ZHX3: variants seen among roughly 807,000 people sequenced by gnomAD.
ZHX3 encodes the protein zinc fingers and homeoboxes 3, also known as zinc fingers and homeoboxes protein 3.
Under a neutral mutation model 64.5 loss-of-function variants are expected in ZHX3, and 20 were observed. The ratio of observed to expected loss-of-function variants is 0.31; its 90% CI spans 0.22 to 0.45. ZHX3 has a LOEUF of 0.45. Among genes scored for constraint, ZHX3 ranks in the 20% least tolerant of loss-of-function variants. The pLI is 1.00. For missense variants in ZHX3, 1,041 were observed against 1,195.8 expected, an observed-to-expected ratio of 0.87 and a Z score of 1.91; for synonymous variants, 423 against 461.6, an observed-to-expected ratio of 0.92 and a Z score of 1.07.
chr20:41,180,013 C>T lies in ZHX3; in HGVS notation c.*5178G>A, dbSNP rs1388001669. ...AACCAAGAAAAACTATTCATTAACACATACAGGTGCTCATGTGTGTGTGTG... is the reference window on the plus strand; with the variant it reads ...AACCAAGAAAAACTATTCATTAACATATACAGGTGCTCATGTGTGTGTGTG... On this transcript the variant is annotated 3_prime_UTR_variant, in exon 4 of 4. Coordinates refer to ENST00000683867, the MANE Select transcript of ZHX3 (RefSeq NM_001384317.1). 1.3e-5 allele frequency: 2 copies of T among 152,688 alleles called. No individual in the cohort carries two copies. The highest frequency in any genetic ancestry group is 4.8e-5 in the African/African-American group (2 of 41,466). 9.5% of individuals were successfully genotyped at this position (152,688 alleles called of 1,614,324 possible).
chr20:41,223,859 A>C (rs772729014), intron 2 of ZHX3, among the ~76,000 whole-genome samples: 1 of 152,222 alleles, frequency 6.6e-6, no homozygotes, highest in Non-Finnish European at 1.5e-5. Context: ...GTCCTTACAG[A>C]GTATGTAACT....
intron 3 of ZHX3, chr20:41,197,307 T>C (rs2037808731): frequency 6.8e-6 from 1 of 146,236 alleles, no homozygotes; most frequent in African/African-American, 2.5e-5. Flanking sequence ...TATATAATTG[T>C]ATATATTTAA....
chr20:41,210,068 T>G (rs1442434409), intron 2 of ZHX3, among the ~76,000 whole-genome samples: 2 of 152,176 alleles, frequency 1.3e-5, no homozygotes, highest in Non-Finnish European at 2.9e-5. Flanking sequence ...AAAGAAGACA[T>G]TTATGCAGCC....
At chr20:41,214,256 T>C (rs2039365507) in intron 2 of ZHX3, among the ~76,000 whole-genome samples, 1 of 152,200 alleles carries the variant, frequency 6.6e-6, no homozygotes, top group Admixed American at 6.5e-5. Context: ...TTTCATATTG[T>C]TGGAAGTGCT....
chr20:41,308,828 T>C (rs1324119108), intron 1 of ZHX3, among the ~76,000 whole-genome samples: 1 of 152,216 alleles, frequency 6.6e-6, no homozygotes, highest in Non-Finnish European at 1.5e-5. Context: ...AACTTTGGCT[T>C]GTTGAGTAAA....
At chr20:41,274,279 A>G (rs1429798868) in intron 1 of ZHX3, among the ~76,000 whole-genome samples, 1 of 152,210 alleles carries the variant, frequency 6.6e-6, no homozygotes, top group African/African-American at 2.4e-5. Context: ...AGATGCACGA[A>G]GCTTATTTGT....
chr20:41,235,903 G>A (rs914599823), intron 2 of ZHX3, among the ~76,000 whole-genome samples: 2 of 152,152 alleles, frequency 1.3e-5, no homozygotes. Flanking sequence ...TCCTTAAGCT[G>A]ATAAGCAACT....
chr20:41,252,163 G>A (rs1464025943), intron 2 of ZHX3, among the ~76,000 whole-genome samples: 2 of 152,162 alleles, frequency 1.3e-5, no homozygotes. Flanking sequence ...CAAAAGACCA[G>A]AGGCACAGGG....
At chr20:41,304,137 C>T (rs1050620812) in intron 1 of ZHX3, among the ~76,000 whole-genome samples, 1 of 152,198 alleles carries the variant, frequency 6.6e-6, no homozygotes, top group Non-Finnish European at 1.5e-5. Flanking sequence ...CCCTGTCTGT[C>T]TACTCCTACT....
chr20:41,278,577 T>C (rs1430783671), intron 1 of ZHX3, among the ~76,000 whole-genome samples: 2 of 141,380 alleles, frequency 1.4e-5, no homozygotes, highest in South Asian at 4.9e-4. Context: ...AATCTTTTCA[T>C]GTGATTAGCG....
intron 2 of ZHX3, among the ~76,000 whole-genome samples, chr20:41,235,925 T>C (rs1050321292): frequency 7.9e-5 from 12 of 152,200 alleles, no homozygotes; most frequent in African/African-American, 2.7e-4. Flanking sequence ...CAGCAAAGTC[T>C]CAGCATACAA....
chr20:41,275,154 G>A (rs569886295), intron 1 of ZHX3, among the ~76,000 whole-genome samples: 19 of 151,644 alleles, frequency 1.3e-4, no homozygotes, highest in African/African-American at 4.1e-4. Context: ...GTGAAACTCC[G>A]TCTCAAAAAA....
intron 3 of ZHX3, among the ~76,000 whole-genome samples, chr20:41,187,092 G>A (rs2036582645): frequency 6.6e-6 from 1 of 152,020 alleles, no homozygotes; most frequent in Admixed American, 6.6e-5. Context: ...GGAGGTTGGG[G>A]AGGAATGCTT....
intron 1 of ZHX3, among the ~76,000 whole-genome samples, chr20:41,305,411 G>C (rs892596148): frequency 6.6e-6 from 1 of 151,850 alleles, no homozygotes; most frequent in Non-Finnish European, 1.5e-5. Context: ...GAGGCTACTT[G>C]ATCCCAGGAG....
At chr20:41,309,339 T>C (rs1170650056) in intron 1 of ZHX3, among the ~76,000 whole-genome samples, 2 of 152,188 alleles carry the variant, frequency 1.3e-5, no homozygotes, top group African/African-American at 4.8e-5. Context: ...TACAGCTGCA[T>C]TTCCCAAACT....
At chr20:41,317,296 G>C (rs1419467773) in intron 1 of ZHX3, 1 of 152,482 alleles carries the variant, frequency 6.6e-6, no homozygotes, top group Admixed American at 6.5e-5. Context: ...GGAAGGGGCG[G>C]AGCCTCTCAG....
chr20:41,310,308 CTCT>C (rs1350806633), intron 1 of ZHX3, among the ~76,000 whole-genome samples: 4 of 152,220 alleles, frequency 2.6e-5, no homozygotes, highest in Non-Finnish European at 5.9e-5. Flanking sequence ...TCATTACCCA[CTCT>C]TCTTGACCTC....
At chr20:41,282,792 GTCTGTT>G (rs1258869173) in intron 1 of ZHX3, among the ~76,000 whole-genome samples, 2 of 152,204 alleles carry the variant, frequency 1.3e-5, no homozygotes, top group Non-Finnish European at 2.9e-5. Context: ...GACATCTCAT[GTCTGTT>G]TCTAACATTT....
At position 41,181,696 on chromosome 20, in the gene ZHX3, T is replaced by C. The variant is rs969827313; in HGVS notation, c.*3495A>G. 2.6e-5 allele frequency: 4 copies of C among 152,172 alleles called. No individual in the cohort carries two copies. Among genetic ancestry groups the C allele is most frequent in the Non-Finnish European group, 4.4e-5 (3 of 68,052 alleles). 9.4% of individuals were successfully genotyped at this position (152,172 alleles called of 1,614,324 possible). On this transcript the variant is annotated 3_prime_UTR_variant, in exon 4 of 4. Coordinates refer to ENST00000683867, the MANE Select transcript of ZHX3 (RefSeq NM_001384317.1). ...CAGGACCTGCCCCTAGGCCACTGAC[T>C]GAGCAGGATAAAACCCACAAGGGCA...
Sources: allele counts gnomAD v4.1 joint callset (sites outside exome capture counted in the v4.1 genomes callset), GRCh38; gene constraint gnomAD v4.1.1; transcripts MANE v1.5; gene names NCBI Gene and HGNC (gene_info 2026-07-23, HGNC 2026-07-21).